Variants in EHMT1 observed in about 807,000 individuals in gnomAD.
EHMT1 encodes the protein histone-lysine N-methyltransferase EHMT1.
EHMT1 carries 15 observed loss-of-function variants against 147.2 expected under a neutral mutation model. The observed-to-expected ratio is 0.10, with a 90% confidence interval of 0.07 to 0.16. EHMT1 has a LOEUF of 0.16. Ranked by LOEUF, EHMT1 falls within the 10% of genes least tolerant of loss-of-function variation. EHMT1 has a pLI of 1.00. For synonymous variants in EHMT1, 795 were observed against 709.6 expected, an observed-to-expected ratio of 1.12 and a Z score of -1.91; for missense variants, 1,587 against 1,772.4, an observed-to-expected ratio of 0.90 and a Z score of 1.88.
At chr9:137,834,282 G>T (rs1413831968) in intron 25 of EHMT1, 67 bp from the exon 26 acceptor site, 2 of 1,595,584 alleles carry the variant, frequency 1.3e-6, no homozygotes, top group Non-Finnish European at 1.7e-6. Flanking sequence ...ATGCATGGCC[G>T]TACCCGGCGA....
intron 16 of EHMT1, among the ~76,000 whole-genome samples, chr9:137,797,520 C>T (rs75987386): frequency 5.2e-4 from 79 of 152,284 alleles, no homozygotes; most frequent in Non-Finnish European, 6.5e-4. Flanking sequence ...GACAGTCTGC[C>T]AGCAGTTAGG....
chr9:137,633,188 G>T (rs1014116790), intron 1 of EHMT1, among the ~76,000 whole-genome samples: 13 of 152,180 alleles, frequency 8.5e-5, no homozygotes, highest in Non-Finnish European at 1.9e-4. Context: ...CAGCTCTGGG[G>T]TGGTTTATTC....
chr9:137,752,432 C>T (rs766991704), intron 7 of EHMT1, 24 bp downstream of exon 7: 25 of 1,609,704 alleles, frequency 1.6e-5, no homozygotes, highest in Admixed American at 3.4e-5. Flanking sequence ...CCTCCTCCTG[C>T]GTCTGTGCTG....
At chr9:137,665,785 T>A (rs897130191) in intron 1 of EHMT1, among the ~76,000 whole-genome samples, 2 of 152,212 alleles carry the variant, frequency 1.3e-5, no homozygotes, top group Non-Finnish European at 2.9e-5. Flanking sequence ...GAACACTGAT[T>A]GTTTTAAAAT....
chr9:137,794,621 C>T (rs553473534), intron 16 of EHMT1, among the ~76,000 whole-genome samples: 7 of 148,314 alleles, frequency 4.7e-5, no homozygotes, highest in African/African-American at 1.3e-4. Context: ...CACTTTAGCC[C>T]GGGCGACAGA....
intron 10 of EHMT1, chr9:137,763,183 C>CG (rs1554871476): frequency 6.9e-5 from 28 of 406,930 alleles, no homozygotes; most frequent in Non-Finnish European, 1.1e-4. Flanking sequence ...CTGCCCAGAA[C>CG]TGTGGTTTCC....
chr9:137,765,878 A>G (rs575773515), intron 10 of EHMT1, among the ~76,000 whole-genome samples: 1 of 152,104 alleles, frequency 6.6e-6, no homozygotes, highest in South Asian at 2.1e-4. Context: ...CTGTTGAACA[A>G]CCCAGGCTGT....
chr9:137,746,956 A>G (rs557983011), intron 6 of EHMT1: 1 of 151,812 alleles, frequency 6.6e-6, no homozygotes. Flanking sequence ...ACAAAAGCAA[A>G]GCCAAGAAGA....
At position 137,802,320 on chromosome 9, in the gene EHMT1, C is replaced by T. The variant is rs138121799; in HGVS notation, c.2712+1336C>T. ...AAGCCAGAAATGGGAGGTGCTGCAG[C>T]CCTCAGAGGTGTGTCCACCTTCACA... On this transcript the variant is annotated intron_variant, in intron 18 of 26. Transcript: ENST00000460843. 15 of 398,690 alleles carry T rather than the reference C, an allele frequency of 3.8e-5. No homozygotes were observed. In the East Asian group the frequency reaches 5.3e-4, roughly 14 times the overall value. 24.7% of individuals were successfully genotyped at this position (398,690 alleles called of 1,614,324 possible).
intron 1 of EHMT1, among the ~76,000 whole-genome samples, chr9:137,709,303 C>T (rs534375354): frequency 2.0e-5 from 3 of 152,250 alleles, no homozygotes; most frequent in South Asian, 4.1e-4. Flanking sequence ...GGAAAGGTAG[C>T]GTGCTCTGCA....
chr9:137,820,319 CT>C, intron 25 of EHMT1, among the ~76,000 whole-genome samples: 1 of 152,208 alleles, frequency 6.6e-6, no homozygotes, highest in Admixed American at 6.5e-5. Context: ...AGTTGTGAGG[CT>C]CCTCTGCTGC....
chr9:137,631,885 G>GA (rs1045626794), intron 1 of EHMT1, among the ~76,000 whole-genome samples: 3 of 151,662 alleles, frequency 2.0e-5, no homozygotes, highest in African/African-American at 4.8e-5. Context: ...CTCAAAAAAA[G>GA]AAAAAAAAGA....
intron 2 of EHMT1, 70 bp from the exon 3 acceptor site, chr9:137,716,556 A>G (rs1328570073): frequency 2.0e-5 from 28 of 1,397,784 alleles, no homozygotes; most frequent in Non-Finnish European, 2.7e-5. Context: ...GTGGGGGAGG[A>G]AGTGGTGGTG....
At chr9:137,681,861 A>G (rs1022552474) in intron 1 of EHMT1, among the ~76,000 whole-genome samples, 1 of 152,106 alleles carries the variant, frequency 6.6e-6, no homozygotes, top group African/African-American at 2.4e-5. Flanking sequence ...GAAAGTTTGC[A>G]GTGTGTCTGG....
chr9:137,745,588 G>A (rs556297155), intron 6 of EHMT1: 6 of 398,602 alleles, frequency 1.5e-5, no homozygotes, highest in Admixed American at 8.8e-5. Flanking sequence ...AGCCCTCCCC[G>A]AAGGACAGGC....
At chr9:137,739,365 A>C (rs897717915) in intron 4 of EHMT1, among the ~76,000 whole-genome samples, 3 of 152,142 alleles carry the variant, frequency 2.0e-5, no homozygotes, top group African/African-American at 7.2e-5. Context: ...CAAAAAAAAA[A>C]AAAAAAGAAA....
intron 16 of EHMT1, among the ~76,000 whole-genome samples, chr9:137,795,401 G>GCACGCACACACACACA (rs1554887413): frequency 7.7e-6 from 1 of 130,178 alleles, no homozygotes; most frequent in Admixed American, 8.3e-5. Context: ...ATCGCAGGGT[G>GCACGCACACACACACA]CACACACACA....
At chr9:137,781,440 GGATATGCGGTGATGATGCTGA>G (rs1255723006) in intron 14 of EHMT1, among the ~76,000 whole-genome samples, 1 of 150,776 alleles carries the variant, frequency 6.6e-6, no homozygotes. Context: ...GATGACGCTG[GGATATGCGGTGATGATGCTGA>G]GATGTGTGGT....
At chr9:137,742,993 A>T (rs1012625694) in intron 4 of EHMT1, 3 of 318,906 alleles carry the variant, frequency 9.4e-6, no homozygotes, top group Non-Finnish European at 1.8e-5. Flanking sequence ...TTGCAAAGTG[A>T]GAGGACTTCT....
Sources: allele counts gnomAD v4.1 joint callset (sites outside exome capture counted in the v4.1 genomes callset), GRCh38; gene constraint gnomAD v4.1.1; transcripts MANE v1.5; gene names NCBI Gene and HGNC (gene_info 2026-07-23, HGNC 2026-07-21).